Variants in CCDC73 observed in about 807,000 individuals in gnomAD.
CCDC73 encodes coiled-coil domain-containing protein 73.
CCDC73 carries 95 observed loss-of-function variants against 116.5 expected under a neutral mutation model. The observed-to-expected ratio is 0.82, with a 90% CI of 0.69 to 0.97. The LOEUF (loss-of-function observed/expected upper bound fraction) is 0.97. CCDC73 is among the 50% of genes least tolerant of loss of function. The pLI is 0.00. For missense variants in CCDC73, 1,066 were observed against 1,206.8 expected (o/e 0.88, Z 1.73); for synonymous variants, 398 against 401.3 (o/e 0.99, Z 0.10).
At chr11:32,779,402 T>C (rs144992665) in intron 1 of CCDC73, among the ~76,000 whole-genome samples, 13 of 152,312 alleles carry the variant, frequency 8.5e-5, no homozygotes, top group African/African-American at 2.9e-4. Flanking sequence ...TTGGCTTATT[T>C]GACTAAAAAG....
chr11:32,614,538 C>G lies in CCDC73; in HGVS notation c.1780G>C (p.Asp594His). 6.2e-7 allele frequency: 1 copy of G among 1,613,044 alleles called. No homozygotes were observed. Among genetic ancestry groups the G allele is most frequent in the Non-Finnish European group, 8.5e-7 (1 of 1,179,406 alleles). ...AHNTYHNNNKDVSENEPFKQF... is the reference protein window; with the variant it reads ...AHNTYHNNNKHVSENEPFKQF... ...TTGAATGGCTCATTTTCAGAAACAT[C>G]TTTATTATTATTGTGATATGTATTG... is the stretch of plus-strand genomic sequence containing the variant. The change falls in exon 16 of 18, where the codon GAT becomes CAT. Residue 594 changes from aspartate to histidine, a missense_variant. Transcript: ENST00000335185.
chr11:32,773,553 G>A (rs563108898), intron 1 of CCDC73, among the ~76,000 whole-genome samples: 2 of 152,178 alleles, frequency 1.3e-5, no homozygotes, highest in South Asian at 4.1e-4. Flanking sequence ...GTTGAGGCAG[G>A]AGGATCACTT....
chr11:32,614,412 T>G lies in CCDC73; in HGVS notation c.1906A>C (p.Lys636Gln). Residue 636 changes from lysine (K) to glutamine (Q), a missense_variant, in exon 16 of 18, where the codon AAA becomes CAA. Physicochemically the swap from Lys to Gln is moderately conservative, Grantham distance 53 (BLOSUM62 1). Transcript: ENST00000335185. ...TTCTGACATGGAACAGGATTTTTTT[T>G]TATATCTAGAGACGAGTCCAAATCT... ...KADLDSSLDI[K>Q]KNPVPCQKYS... The G allele has an allele frequency of 6.2e-7, 1 of 1,613,546 alleles. No homozygotes were observed. The highest frequency in any genetic ancestry group is 1.1e-5 in the South Asian group (1 of 91,066).
At chr11:32,623,345 GC>G (rs1298310838) in intron 14 of CCDC73, among the ~76,000 whole-genome samples, 1 of 151,932 alleles carries the variant, frequency 6.6e-6, no homozygotes, top group Non-Finnish European at 1.5e-5. Context: ...AAGCCAGACT[GC>G]CCTATGTTTT....
rs2133361886 is a variant in CCDC73 at position 32,745,718 on chromosome 11, T to TG, written c.135+14390dup. Among the ~76,000 whole-genome samples the TG allele has an allele frequency of 2.6e-5, 3 of 116,674 alleles. 1 individual carries two copies. The highest frequency in any genetic ancestry group is 2.0e-4 in the Admixed American group (2 of 10,134). The allele number at this position is 116,674 out of a possible 152,430, so 76.5% of individuals were successfully genotyped here. ...GTCCAGGATTGCAACCCCTGGTTTT[T>TG]GTTTTTTTGTTTGTTTGTTTGTTTT... is the stretch of plus-strand genomic sequence containing the variant. On this transcript the variant is annotated intron_variant, in intron 2 of 17. Transcript: ENST00000335185.
At chr11:32,730,531 A>G (rs1371064772) in intron 2 of CCDC73, among the ~76,000 whole-genome samples, 2 of 152,144 alleles carry the variant, frequency 1.3e-5, no homozygotes, top group African/African-American at 2.4e-5. Flanking sequence ...CCCACTATCC[A>G]TCTTCATCTT....
chr11:32,736,976 ATATATATG>A (rs1565088893), intron 2 of CCDC73, among the ~76,000 whole-genome samples: 10 of 149,634 alleles, frequency 6.7e-5, no homozygotes, highest in East Asian at 1.9e-4. Context: ...ATATATATAC[ATATATATG>A]TATATATGTA....
At chr11:32,768,163 TC>T (rs1288973572) in intron 1 of CCDC73, among the ~76,000 whole-genome samples, 1 of 152,176 alleles carries the variant, frequency 6.6e-6, no homozygotes, top group African/African-American at 2.4e-5. Flanking sequence ...TGAGTTCATG[TC>T]CTTTGTAGGG....
At chr11:32,782,213 T>C (rs1377621557) in intron 1 of CCDC73, among the ~76,000 whole-genome samples, 2 of 152,192 alleles carry the variant, frequency 1.3e-5, no homozygotes, top group Non-Finnish European at 2.9e-5. Context: ...GTTGTATAAT[T>C]ATTTCATTAC....
At chr11:32,678,077 G>A (rs1220694486) in intron 7 of CCDC73, among the ~76,000 whole-genome samples, 1 of 151,302 alleles carries the variant, frequency 6.6e-6, no homozygotes, top group Non-Finnish European at 1.5e-5. Flanking sequence ...TCAGGAGTTC[G>A]AGACCAGCCT....
chr11:32,733,454 G>A (rs553079124), intron 2 of CCDC73, among the ~76,000 whole-genome samples: 5 of 152,108 alleles, frequency 3.3e-5, no homozygotes, highest in African/African-American at 4.8e-5. Flanking sequence ...ACCCCAAATC[G>A]ACATAATATA....
At chr11:32,625,892 T>C (rs1161499212) in intron 14 of CCDC73, among the ~76,000 whole-genome samples, 1 of 149,214 alleles carries the variant, frequency 6.7e-6, no homozygotes, top group Admixed American at 6.7e-5. Context: ...GGGCAAAAAC[T>C]GGAAGCATTC....
chr11:32,769,207 T>G (rs1339815654), intron 1 of CCDC73, among the ~76,000 whole-genome samples: 3 of 152,216 alleles, frequency 2.0e-5, no homozygotes, highest in Non-Finnish European at 4.4e-5. Flanking sequence ...CAAAACATAA[T>G]GACTTAAAAT....
upstream of CCDC73, among the ~76,000 whole-genome samples, chr11:32,799,293 T>C (rs1850752070): frequency 6.6e-6 from 1 of 152,086 alleles, no homozygotes. Context: ...GGTTTCACTA[T>C]GTTGGCCAGG....
chr11:32,715,518 A>AC (rs909713522), intron 3 of CCDC73, among the ~76,000 whole-genome samples: 10 of 151,802 alleles, frequency 6.6e-5, no homozygotes, highest in African/African-American at 2.2e-4. Context: ...ACACACACAC[A>AC]CACCACCAGA....
In CCDC73 at chr11:32,693,792, A is replaced by G. The variant is rs531435141; in HGVS notation, c.390+5459T>C. Reference sequence around the variant, plus strand: ...AATCAATAAACGTAATCCATCACATAAACAGAACCAATGACAAAAACCACA... The same window carrying G: ...AATCAATAAACGTAATCCATCACATGAACAGAACCAATGACAAAAACCACA... On this transcript the variant is annotated intron_variant, in intron 6 of 17. Transcript: ENST00000335185. Among the ~76,000 whole-genome samples the G allele has an allele frequency of 6.2e-4, 94 of 152,356 alleles. 1 individual carries two copies. The South Asian group carries it at 0.019, about 31-fold the overall frequency.
chr11:32,683,472 A>C (rs751623840), intron 7 of CCDC73, 64 bp downstream of exon 7: 56 of 1,057,746 alleles, frequency 5.3e-5, no homozygotes, highest in East Asian at 4.8e-4. Flanking sequence ...TTTTATTCCC[A>C]AAAACACCAA....
chr11:32,715,518 ACAC>A (rs1554966480), intron 3 of CCDC73, among the ~76,000 whole-genome samples: 1 of 151,802 alleles, frequency 6.6e-6, no homozygotes, highest in African/African-American at 2.4e-5. Flanking sequence ...ACACACACAC[ACAC>A]CACCAGAAAC....
intron 2 of CCDC73, among the ~76,000 whole-genome samples, chr11:32,745,919 A>G (rs1053876868): frequency 1.3e-5 from 2 of 151,958 alleles, no homozygotes; most frequent in Non-Finnish European, 2.9e-5. Context: ...CATTTAGCCC[A>G]TTTACATTTA....
Sources: allele counts gnomAD v4.1 joint callset (sites outside exome capture counted in the v4.1 genomes callset), GRCh38; gene constraint gnomAD v4.1.1; transcripts MANE v1.5; gene names NCBI Gene and HGNC (gene_info 2026-07-23, HGNC 2026-07-21).